The following ZNF410 variants were observed in gnomAD, a reference collection of about 807,000 sequenced individuals.
The protein encoded by ZNF410 is zinc finger protein 410.
Under a neutral mutation model 54.8 loss-of-function variants are expected in ZNF410, and 18 were observed. That is an observed-to-expected ratio of 0.33 (90% CI 0.23 to 0.49). The LOEUF (loss-of-function observed/expected upper bound fraction) is 0.49, where lower values mean the gene tolerates loss of function less well. Ranked by LOEUF, ZNF410 falls within the 20% of genes least tolerant of loss-of-function variation. ZNF410 has a pLI of 0.99. For synonymous variants in ZNF410, 191 were observed against 207.3 expected, an observed-to-expected ratio of 0.92 and a Z score of 0.68; for missense variants, 405 against 569.6, an observed-to-expected ratio of 0.71 and a Z score of 2.94.
intron 5 of ZNF410, among the ~76,000 whole-genome samples, chr14:73,902,828 T>G (rs1273321200): frequency 6.6e-6 from 1 of 152,242 alleles, no homozygotes; most frequent in African/African-American, 2.4e-5. Flanking sequence ...TTTGTTTACA[T>G]TTAAGGGAGG....
Position 73,896,280 on chromosome 14 carries a change from G to A in ZNF410, c.170-36G>A, listed in dbSNP as rs779042364. ...CAAAATGGTGGGCTCCTAGAGATAG[G>A]TGCTACATAAAGCTGTGGTATTTTC... On this transcript the variant is annotated intron_variant, in intron 3 of 11. Coordinates refer to ENST00000555044, the MANE Select transcript of ZNF410 (RefSeq NM_021188.3). The A allele has an allele frequency of 6.5e-6, 10 of 1,546,524 alleles. No individual in the cohort carries two copies. The East Asian group carries it at 2.0e-4, about 31-fold the overall frequency.
rs375352012 is a variant in ZNF410, at chr14:73,931,590, C to T, written c.*49C>T. 44 of 1,566,724 alleles carry T rather than the reference C, an allele frequency of 2.8e-5. No individual in the cohort carries two copies. Among genetic ancestry groups the T allele is most frequent in the South Asian group, 5.6e-5 (5 of 89,390 alleles). The stretch of plus-strand genomic sequence containing the variant: ...AGCAACTCTATCTGATCTCAAAATG[C>T]GTATACTGGGAACAGGATGCCTTAG... On this transcript the variant is annotated 3_prime_UTR_variant, in exon 12 of 12. Transcript: ENST00000555044.
intron 8 of ZNF410, 179 bp downstream of exon 8, chr14:73,909,609 G>GGGC (rs2055546240): frequency 2.1e-6 from 1 of 480,600 alleles, no homozygotes; most frequent in Non-Finnish European, 3.6e-6. Flanking sequence ...ATCAAGGTTG[G>GGGC]GGGGGGGACA....
chr14:73,931,421 A>C (rs1191274512), intron 11 of ZNF410, 82 bp from the exon 12 acceptor site: 6 of 1,268,860 alleles, frequency 4.7e-6, no homozygotes, highest in Non-Finnish European at 6.7e-6. Flanking sequence ...TCCATCCTCC[A>C]CTCTTAATAC....
intron 10 of ZNF410, 24 bp from the exon 11 acceptor site, chr14:73,923,371 A>T: frequency 6.2e-7 from 1 of 1,607,308 alleles, no homozygotes; most frequent in East Asian, 2.2e-5. Flanking sequence ...CTTTTCATTG[A>T]AACATTTTTC....
intron 6 of ZNF410, 141 bp downstream of exon 6, chr14:73,904,251 T>A: frequency 1.2e-6 from 1 of 820,488 alleles, no homozygotes; most frequent in African/African-American, 1.7e-5. Context: ...TTTTTTTCTT[T>A]AATAGAAGGA....
intron 5 of ZNF410, among the ~76,000 whole-genome samples, chr14:73,899,529 T>C (rs907225504): frequency 3.3e-5 from 5 of 152,210 alleles, no homozygotes; most frequent in African/African-American, 1.2e-4. Flanking sequence ...TCCTGAGATA[T>C]ATGTGCCAAT....
At chr14:73,905,894 TATAC>T (rs1033393235) in intron 7 of ZNF410, among the ~76,000 whole-genome samples, 8 of 150,510 alleles carry the variant, frequency 5.3e-5, no homozygotes, top group African/African-American at 1.5e-4. Flanking sequence ...AAGGCATATA[TATAC>T]ATACATATAT....
At chr14:73,887,315 C>T (rs1410061933) in intron 1 of ZNF410, 2 of 152,296 alleles carry the variant, frequency 1.3e-5, no homozygotes, top group African/African-American at 4.8e-5. Context: ...GCCAGGAGGC[C>T]TTGCCCTGAA....
At chr14:73,925,620 G>T (rs376514280) in intron 11 of ZNF410, among the ~76,000 whole-genome samples, 1 of 151,972 alleles carries the variant, frequency 6.6e-6, no homozygotes, top group Non-Finnish European at 1.5e-5. Context: ...TAGAGATAGG[G>T]TTTTACCCTG....
intron 8 of ZNF410, chr14:73,920,074 C>T (rs1448559036): frequency 1.3e-5 from 2 of 151,742 alleles, no homozygotes; most frequent in African/African-American, 2.4e-5. Context: ...GGACATATTC[C>T]TAGAAGTGGG....
intron 2 of ZNF410, among the ~76,000 whole-genome samples, chr14:73,892,840 G>A (rs1380341229): frequency 6.6e-6 from 1 of 152,166 alleles, no homozygotes. Context: ...CAGCACTTTG[G>A]GAGGCCGAGG....
chr14:73,893,467 T>C (rs1488565069), intron 2 of ZNF410: 1 of 213,354 alleles, frequency 4.7e-6, no homozygotes, highest in Non-Finnish European at 9.4e-6. Context: ...CTGTAGGCAG[T>C]TGAAGCACAG....
chr14:73,895,768 C>T (rs1264121719), intron 3 of ZNF410, among the ~76,000 whole-genome samples: 1 of 152,154 alleles, frequency 6.6e-6, no homozygotes, highest in African/African-American at 2.4e-5. Flanking sequence ...AGTTTGAGAC[C>T]AGCCTGGCTG....
chr14:73,917,649 C>A (rs2055688489), intron 8 of ZNF410, among the ~76,000 whole-genome samples: 1 of 151,920 alleles, frequency 6.6e-6, no homozygotes, highest in South Asian at 2.1e-4. Context: ...ATGGTGAAAC[C>A]CCATCTCTAC....
At chr14:73,892,917 A>G (rs1005340689) in intron 2 of ZNF410, among the ~76,000 whole-genome samples, 3 of 152,138 alleles carry the variant, frequency 2.0e-5, no homozygotes, top group Admixed American at 6.6e-5. Flanking sequence ...TGTCTCTACT[A>G]AAAATACAAA....
chr14:73,921,078 G>C lies in ZNF410; in HGVS notation c.1102G>C (p.Ala368Pro), dbSNP rs1189690986. ...MRKHHLQLGAAGSQEQEQTAE... is the reference protein window; with the variant it reads ...MRKHHLQLGAPGSQEQEQTAE... Reference sequence around the variant, plus strand: ...AAAGCATCACCTGCAGCTGGGAGCAGCTGGGAGTCAAGAGCAGGAGCAAAC... The same window carrying C: ...AAAGCATCACCTGCAGCTGGGAGCACCTGGGAGTCAAGAGCAGGAGCAAAC... The change falls in exon 9 of 12, where the codon GCT (alanine) becomes CCT (proline). Residue 368 changes from alanine (A) to proline (P), a missense_variant. Physicochemically the swap from Ala to Pro is conservative, Grantham distance 27. This residue lies in a region of ZNF410 where 127 missense variants were observed against 141.3 expected (regional missense o/e 0.90). Transcript: ENST00000555044. 6.2e-7 allele frequency: 1 copy of C among 1,614,122 alleles called. No homozygotes were observed. Among genetic ancestry groups the C allele is most frequent in the South Asian group, 1.1e-5 (1 of 91,086 alleles).
chr14:73,906,990 T>A (rs528269830), intron 7 of ZNF410, among the ~76,000 whole-genome samples: 4 of 152,250 alleles, frequency 2.6e-5, no homozygotes, highest in Admixed American at 2.0e-4. Flanking sequence ...TGAATCTCAA[T>A]AATAATTAAT....
Position 73,932,281 on chromosome 14 carries a change from T to G in ZNF410, c.*740T>G, listed in dbSNP as rs2055927866. The G allele has an allele frequency of 6.0e-6, 2 of 334,560 alleles. No individual in the cohort carries two copies. The highest frequency in any genetic ancestry group is 2.4e-5 in the South Asian group (1 of 41,598). 20.7% of individuals were successfully genotyped at this position (334,560 alleles called of 1,614,324 possible). ...AAATAAACAAAACAGCCCAGTCAGT[T>G]CTTTGGCTCTTGTTTTATACAAAAT... On this transcript the variant is annotated 3_prime_UTR_variant, in exon 12 of 12. Coordinates refer to ENST00000555044, the MANE Select transcript of ZNF410 (RefSeq NM_021188.3).
Sources: allele counts gnomAD v4.1 joint callset (sites outside exome capture counted in the v4.1 genomes callset), GRCh38; gene constraint gnomAD v4.1.1; regional missense constraint gnomAD v4.1.1; transcripts MANE v1.5; gene names NCBI Gene and HGNC (gene_info 2026-07-23, HGNC 2026-07-21).